Variants in OTOG observed in about 807,000 individuals in gnomAD.
OTOG encodes the protein otogelin.
In OTOG, 296 loss-of-function variants were observed where a neutral mutation model predicts 313.8. The observed-to-expected ratio is 0.94, with a 90% CI of 0.86 to 1.04. OTOG has a LOEUF of 1.04. OTOG is among the 50% of genes least tolerant of loss of function. The probability of loss-of-function intolerance (pLI) is 0.00; values close to 1 mark genes in which losing one functional copy is unlikely to be tolerated. For synonymous variants in OTOG, 1,533 were observed against 1,554.9 expected, an observed-to-expected ratio of 0.99 and a Z score of 0.33; for missense variants, 3,948 against 3,840.1, an observed-to-expected ratio of 1.03 and a Z score of -0.74.
At chr11:17,562,782 C>G (rs1458636863) in intron 15 of OTOG, among the ~76,000 whole-genome samples, 1 of 152,138 alleles carries the variant, frequency 6.6e-6, no homozygotes, top group Non-Finnish European at 1.5e-5. Flanking sequence ...CAACATTCGT[C>G]CCTCCCTTCC....
At chr11:17,574,158 C>CAGAGT (rs1852464696) in intron 19 of OTOG, among the ~76,000 whole-genome samples, 1 of 152,140 alleles carries the variant, frequency 6.6e-6, no homozygotes. Context: ...CTGGATCCCA[C>CAGAGT]AGAGTGTAGG....
At chr11:17,626,178 G>A (rs1184741160) in intron 39 of OTOG, among the ~76,000 whole-genome samples, 1 of 152,034 alleles carries the variant, frequency 6.6e-6, no homozygotes, top group East Asian at 1.9e-4. Flanking sequence ...TTCTTTGTTT[G>A]TTTGTTTTTG....
intron 40 of OTOG, among the ~76,000 whole-genome samples, 197 bp from the exon 41 acceptor site, chr11:17,631,505 T>C (rs1854125475): frequency 6.6e-6 from 1 of 152,130 alleles, no homozygotes; most frequent in Non-Finnish European, 1.5e-5. Flanking sequence ...TAAATACATG[T>C]GTATTTCCTA....
In OTOG at chr11:17,646,034, G is replaced by A; in HGVS notation, c.*90G>A. The A allele has an allele frequency of 1.5e-6, 2 of 1,325,576 alleles. No homozygotes were observed. The highest frequency in any genetic ancestry group is 2.1e-6 in the Non-Finnish European group (2 of 961,586). The allele number at this position is 1,325,576 out of a possible 1,614,324, so 82.1% of individuals were successfully genotyped here. ...AATGTGAATGGGGGTATTAAAGGTGGTAGAAATCTGGCACGTGTTGAGCAT... is the reference window on the plus strand; with the variant it reads ...AATGTGAATGGGGGTATTAAAGGTGATAGAAATCTGGCACGTGTTGAGCAT... On this transcript the variant is annotated 3_prime_UTR_variant, in exon 56 of 56. Coordinates refer to ENST00000399397, the MANE Select transcript of OTOG (RefSeq NM_001292063.2).
At position 17,639,408 on chromosome 11, in the gene OTOG, C is replaced by G; in HGVS notation, c.7895-15C>G. ...ATCCCTGATGAAGTGGGGCCTGGCC[C>G]CTTGTGTTTTTCAGAATGTGACTGT... On this transcript the variant is annotated splice_polypyrimidine_tract_variant and intron_variant, in intron 48 of 55. Transcript: ENST00000399397. 6.4e-7 allele frequency: 1 copy of G among 1,550,660 alleles called. No homozygotes were observed. Among genetic ancestry groups the G allele is most frequent in the South Asian group, 1.2e-5 (1 of 84,056 alleles).
chr11:17,578,210 C>T (rs573532214), intron 22 of OTOG, 163 bp from the exon 23 acceptor site: 2 of 1,383,318 alleles, frequency 1.4e-6, no homozygotes, highest in East Asian at 2.7e-5. Flanking sequence ...CTACCCCTCC[C>T]TCTGTGAGGC....
intron 6 of OTOG, 102 bp from the exon 7 acceptor site, chr11:17,555,677 A>G: frequency 1.1e-6 from 1 of 875,120 alleles, no homozygotes; most frequent in South Asian, 1.6e-5. Flanking sequence ...GTTGGTATGC[A>G]GGGGACAGCC....
intron 4 of OTOG, among the ~76,000 whole-genome samples, chr11:17,552,615 T>TGTGTCCCCCACCTGTACTGTGTCCCC (rs1454853324): frequency 6.6e-5 from 10 of 150,928 alleles, no homozygotes; most frequent in African/African-American, 2.4e-4. Flanking sequence ...CCACCTGTCC[T>TGTGTCCCCCACCTGTACTGTGTCCCC]CTCACATCAT....
chr11:17,575,257 G>A (rs1437755860), intron 20 of OTOG, among the ~76,000 whole-genome samples: 1 of 152,224 alleles, frequency 6.6e-6, no homozygotes, highest in Admixed American at 6.5e-5. Context: ...ATTCAGCAAT[G>A]AACAAAGCAG....
At chr11:17,598,833 C>T (rs982587022) in intron 30 of OTOG, among the ~76,000 whole-genome samples, 3 of 152,226 alleles carry the variant, frequency 2.0e-5, no homozygotes, top group African/African-American at 2.4e-5. Context: ...GAGGCAGGCA[C>T]GTGCCCCTAG....
At chr11:17,611,514 C>G (rs971017121) in intron 36 of OTOG, 91 bp downstream of exon 36, 39 of 1,254,274 alleles carry the variant, frequency 3.1e-5, no homozygotes, top group Non-Finnish European at 4.0e-5. Context: ...TAGTCGCTAT[C>G]CTCATACCTG....
At chr11:17,639,307 C>T in intron 48 of OTOG, 116 bp from the exon 49 acceptor site, 1 of 1,116,504 alleles carries the variant, frequency 9.0e-7, no homozygotes, top group Non-Finnish European at 1.3e-6. Context: ...CAGGCCTGGC[C>T]TGGAGCTGGG....
chr11:17,602,237 C>T lies in OTOG; in HGVS notation c.3737C>T (p.Ser1246Phe). ...KVLGKGPYQL[S>F]SLAAGGALVG... ...CTAGGTAAGGGCCCCTATCAGCTAT[C>T]CAGCTTGGCAGCCGGTGGTGCTCTG... Residue 1246 changes from serine to phenylalanine, a missense_variant, in exon 32 of 56, where the codon TCC (serine) becomes TTC (phenylalanine). Transcript: ENST00000399397. 6.4e-7 allele frequency: 1 copy of T among 1,550,528 alleles called. No homozygotes were observed. Among genetic ancestry groups the T allele is most frequent in the Non-Finnish European group, 8.7e-7 (1 of 1,146,962 alleles).
intron 39 of OTOG, among the ~76,000 whole-genome samples, chr11:17,616,702 A>G (rs1032762490): frequency 6.6e-6 from 1 of 152,060 alleles, no homozygotes; most frequent in Non-Finnish European, 1.5e-5. Flanking sequence ...AATACAGCTT[A>G]TTTTTGCATA....
chr11:17,604,326 TGAAGGAG>T (rs1252556602), intron 32 of OTOG, among the ~76,000 whole-genome samples: 2 of 152,170 alleles, frequency 1.3e-5, no homozygotes, highest in African/African-American at 4.8e-5. Context: ...CCCGCCTTCT[TGAAGGAG>T]GAAGCCAAGG....
At chr11:17,568,610 A>T (rs992838773) in intron 15 of OTOG, among the ~76,000 whole-genome samples, 1 of 152,208 alleles carries the variant, frequency 6.6e-6, no homozygotes, top group Non-Finnish European at 1.5e-5. Context: ...GTTGGTGCTC[A>T]GTTAAGTGTT....
In OTOG at chr11:17,610,706, G is replaced by C. The variant is rs1258369500; in HGVS notation, c.5406G>C (p.Leu1802=). The C allele has an allele frequency of 3.2e-6, 5 of 1,550,150 alleles. No homozygotes were observed. In the African/African-American group the frequency reaches 4.1e-5, roughly 13 times the overall value. The change falls in exon 36 of 56, where the codon CTG becomes CTC. Residue 1802 remains leucine (L), a synonymous_variant. Transcript: ENST00000399397. ...STRPSQLLSG[L]PPDTSLPLAK... is the part of the protein sequence containing the mutation. ...GTCCCTCCCAGCTCCTCTCTGGCCT[G>C]CCTCCCGACACCAGCCTGCCCCTGG... is the stretch of plus-strand genomic sequence containing the variant.
chr11:17,559,242 T>C lies in OTOG; in HGVS notation c.1213+81T>C, dbSNP rs1852125361. ...CAGGCCTCAGCTCAATGTCTTGTCC[T>C]GCTCAGAATCACAGTTATCAGAACT... On this transcript the variant is annotated intron_variant, in intron 11 of 55. Coordinates refer to ENST00000399397, the MANE Select transcript of OTOG (RefSeq NM_001292063.2). 2.7e-6 allele frequency: 3 copies of C among 1,111,900 alleles called. No homozygotes were observed. The Admixed American group carries it at 7.7e-5, about 29-fold the overall frequency. 68.9% of individuals were successfully genotyped at this position (1,111,900 alleles called of 1,614,324 possible).
chr11:17,567,788 T>A (rs1484792551), intron 15 of OTOG, among the ~76,000 whole-genome samples: 1 of 152,256 alleles, frequency 6.6e-6, no homozygotes, highest in African/African-American at 2.4e-5. Context: ...CTTCTTCTTC[T>A]CTCTTTGCCC....
Sources: allele counts gnomAD v4.1 joint callset (sites outside exome capture counted in the v4.1 genomes callset), GRCh38; gene constraint gnomAD v4.1.1; transcripts MANE v1.5; gene names NCBI Gene and HGNC (gene_info 2026-07-23, HGNC 2026-07-21).